The following NLRP1 variants were observed in gnomAD, a reference collection of about 807,000 sequenced individuals.
NLRP1 encodes NACHT, LRR and PYD domains-containing protein 1.
Under a neutral mutation model 136.7 loss-of-function variants are expected in NLRP1, and 94 were observed. The ratio of observed to expected loss-of-function variants is 0.69; its 90% CI spans 0.58 to 0.82. The LOEUF is 0.82. NLRP1 is among the 40% of genes least tolerant of loss of function. The probability of loss-of-function intolerance (pLI) is 0.00; values close to 1 mark genes in which losing one functional copy is unlikely to be tolerated. For missense variants in NLRP1, 1,575 were observed against 1,802.7 expected, an observed-to-expected ratio of 0.87 and a Z score of 2.29; for synonymous variants, 690 against 725.1, an observed-to-expected ratio of 0.95 and a Z score of 0.78.
chr17:5,561,665 G>A (rs1914771975), intron 3 of NLRP1, among the ~76,000 whole-genome samples: 1 of 43,858 alleles, frequency 2.3e-5, no homozygotes. Context: ...GGATGGTCTC[G>A]ATCTCCTGAC....
chr17:5,571,544 T>C (rs1475088334), intron 3 of NLRP1, among the ~76,000 whole-genome samples: 3 of 152,240 alleles, frequency 2.0e-5, no homozygotes, highest in East Asian at 1.9e-4. Flanking sequence ...CTAACCAGGA[T>C]TGTGAAAGAT....
At chr17:5,535,683 G>A (rs1910957854) in intron 8 of NLRP1, among the ~76,000 whole-genome samples, 1 of 152,236 alleles carries the variant, frequency 6.6e-6, no homozygotes, top group Non-Finnish European at 1.5e-5. Flanking sequence ...CCGACACATA[G>A]TGGGTCTGCA....
chr17:5,535,724 C>T (rs906750737), intron 8 of NLRP1, among the ~76,000 whole-genome samples: 1 of 152,214 alleles, frequency 6.6e-6, no homozygotes, highest in African/African-American at 2.4e-5. Flanking sequence ...TAAATGGCTC[C>T]TCTTAAGCCT....
At chr17:5,509,000 G>A (rs755808008) in intron 15 of NLRP1, among the ~76,000 whole-genome samples, 14 of 152,198 alleles carry the variant, frequency 9.2e-5, no homozygotes, top group Non-Finnish European at 1.5e-4. Context: ...ACTCTGTGAT[G>A]GTCTGATTCA....
chr17:5,511,049 CA>C (rs200485068), downstream of NLRP1, among the ~76,000 whole-genome samples: 3,989 of 152,200 alleles, frequency 0.026, 92 homozygotes, highest in Middle Eastern at 0.054. Context: ...AAACCTGTTT[CA>C]AGATCACACA....
chr17:5,574,257 A>C (rs1904765388), intron 3 of NLRP1, among the ~76,000 whole-genome samples: 1 of 152,218 alleles, frequency 6.6e-6, no homozygotes, highest in Admixed American at 6.5e-5. Context: ...AGTTTAGAGA[A>C]AAAAGAGTAA....
intron 5 of NLRP1, among the ~76,000 whole-genome samples, chr17:5,545,235 G>A (rs1476735731): frequency 1.3e-5 from 2 of 151,968 alleles, no homozygotes; most frequent in Non-Finnish European, 2.9e-5. Flanking sequence ...TCGTATCCAG[G>A]AGTTTGAGGC....
intron 3 of NLRP1, among the ~76,000 whole-genome samples, chr17:5,564,039 A>AAATTT (rs1915051503): frequency 6.6e-6 from 1 of 152,148 alleles, no homozygotes; most frequent in Non-Finnish European, 1.5e-5. Context: ...TTTCTTTTTT[A>AAATTT]AAATTTTAAA....
At chr17:5,503,340 C>A (rs995585463) in intron 15 of NLRP1, 2 of 152,240 alleles carry the variant, frequency 1.3e-5, no homozygotes, top group African/African-American at 4.8e-5. Flanking sequence ...TCTCAGTAAC[C>A]AAGAGGGTCT....
At chr17:5,563,154 A>G (rs1006110352) in intron 3 of NLRP1, among the ~76,000 whole-genome samples, 12 of 152,374 alleles carry the variant, frequency 7.9e-5, no homozygotes, top group African/African-American at 2.6e-4. Flanking sequence ...GATTAAAGGA[A>G]CATCAGCCCA....
rs60986318 is a variant in NLRP1 at position 5,550,305 on chromosome 17, C to T, written c.2528+3081G>A. 1.2e-3 allele frequency among the ~76,000 whole-genome samples: 176 copies of T among 152,242 alleles called. 3 individuals carry two copies. In the East Asian group the frequency reaches 0.027, roughly 24 times the overall value. On this transcript the variant is annotated intron_variant, in intron 5 of 16. Coordinates refer to ENST00000572272, the MANE Select transcript of NLRP1 (RefSeq NM_033004.4). Reference sequence around the variant, plus strand: ...TTCTTTAAATATTTGGTAGAATTCACTAGTAAAGCCATCTGGGCCTGGGCT... The same window carrying T: ...TTCTTTAAATATTTGGTAGAATTCATTAGTAAAGCCATCTGGGCCTGGGCT...
At chr17:5,512,858 G>A (rs1907734279), downstream of NLRP1, among the ~76,000 whole-genome samples, 1 of 152,206 alleles carries the variant, frequency 6.6e-6, no homozygotes, top group East Asian at 1.9e-4. Flanking sequence ...TGCCATCTTG[G>A]CTTTGGTGGG....
At chr17:5,515,450 G>A (rs1261984138) in intron 16 of NLRP1, 23 bp downstream of exon 16, 3 of 1,601,670 alleles carry the variant, frequency 1.9e-6, no homozygotes, top group Non-Finnish European at 2.6e-6. Context: ...CGCCTCCTGT[G>A]GTCTCTGAGA....
chr17:5,549,007 A>G (rs1597444164), intron 5 of NLRP1, among the ~76,000 whole-genome samples: 1 of 152,060 alleles, frequency 6.6e-6, no homozygotes, highest in Non-Finnish European at 1.5e-5. Flanking sequence ...TCTGCTAGGG[A>G]TTGTGTTGAA....
At chr17:5,530,735 C>T (rs1007081275) in intron 11 of NLRP1, 31 bp from the exon 12 acceptor site, 3 of 1,559,350 alleles carry the variant, frequency 1.9e-6, no homozygotes, top group African/African-American at 1.4e-5. Context: ...CAGACACTTA[C>T]TGCACGAACT....
At chr17:5,570,806 A>G (rs918588459) in intron 3 of NLRP1, among the ~76,000 whole-genome samples, 2 of 152,168 alleles carry the variant, frequency 1.3e-5, no homozygotes, top group African/African-American at 4.8e-5. Flanking sequence ...GAGACACAAC[A>G]AAAGAAGAAA....
intron 3 of NLRP1, among the ~76,000 whole-genome samples, chr17:5,563,132 G>C (rs1163736700): frequency 6.6e-6 from 1 of 152,146 alleles, no homozygotes; most frequent in African/African-American, 2.4e-5. Context: ...TCCAAAGGAA[G>C]ACAACTTCAA....
Position 5,541,736 on chromosome 17 carries a change from T to G in NLRP1, c.2699+121A>C, listed in dbSNP as rs1911889668. ...CTGAGCCTCTACTGCCTGGCTGAGATCCTGTAGGCTCCTCCCACTCCCACA... is the reference window on the plus strand; with the variant it reads ...CTGAGCCTCTACTGCCTGGCTGAGAGCCTGTAGGCTCCTCCCACTCCCACA... On this transcript the variant is annotated intron_variant, in intron 6 of 16. Coordinates refer to ENST00000572272, the MANE Select transcript of NLRP1 (RefSeq NM_033004.4). This position sits in a 1 kb window ranked among gnomAD's most constrained non-coding sequence, Gnocchi z 4.2. 1 of 976,912 alleles carries G rather than the reference T, an allele frequency of 1.0e-6. No homozygotes were observed. The highest frequency in any genetic ancestry group is 1.6e-5 in the African/African-American group (1 of 61,534). 60.5% of individuals were successfully genotyped at this position (976,912 alleles called of 1,614,324 possible).
In NLRP1 at chr17:5,553,552, T is replaced by G. The variant is rs1913644108; in HGVS notation, c.2362A>C (p.Arg788=). The G allele has an allele frequency of 8.1e-6, 13 of 1,613,494 alleles. No individual in the cohort carries two copies. Among genetic ancestry groups the G allele is most frequent in the Non-Finnish European group, 1.1e-5 (13 of 1,179,628 alleles). The part of the protein sequence containing the change: ...TWSPTMVVLF[R]WVPVTDAYWQ... Reference sequence around the variant, plus strand: ...TAGGCATCTGTGACTGGGACCCACCTGAACCTGAGGGGGAGAGAGAAGGAC... The same window carrying G: ...TAGGCATCTGTGACTGGGACCCACCGGAACCTGAGGGGGAGAGAGAAGGAC... The change falls in exon 5 of 17, where the codon AGG becomes CGG. Residue 788 remains arginine (R), a synonymous_variant. Coordinates refer to ENST00000572272, the MANE Select transcript of NLRP1 (RefSeq NM_033004.4).
Sources: gnomAD v4.1 joint callset for allele counts (sites outside exome capture counted in the v4.1 genomes callset) on GRCh38, gnomAD v4.1.1 for gene constraint, Gnocchi (gnomAD v3.1) non-coding constraint, MANE v1.5 for transcripts, NCBI Gene and HGNC (gene_info 2026-07-23, HGNC 2026-07-21) for gene names.